Variants in CALD1 observed in about 807,000 individuals in gnomAD.
CALD1 encodes the protein caldesmon 1, also known as caldesmon.
A neutral mutation model predicts 99.9 loss-of-function variants in CALD1; 33 were observed. The observed-to-expected ratio is 0.33, with a 90% CI of 0.25 to 0.44. The LOEUF is 0.44. Ranked by LOEUF, CALD1 falls within the 20% of genes least tolerant of loss-of-function variation. CALD1 has a pLI of 1.00. For synonymous variants in CALD1, 310 were observed against 325.0 expected, an observed-to-expected ratio of 0.95 and a Z score of 0.50; for missense variants, 861 against 962.1, an observed-to-expected ratio of 0.89 and a Z score of 1.39.
chr7:134,931,043 G>A (rs1209701744), intron 4 of CALD1, among the ~76,000 whole-genome samples: 2 of 151,704 alleles, frequency 1.3e-5, no homozygotes, highest in Non-Finnish European at 2.9e-5. Context: ...GCTTCTCTTC[G>A]GATATTTGGC....
At chr7:134,734,145 G>C in the CALD1 span, among the ~76,000 whole-genome samples, 3 of 152,256 alleles carry the variant, frequency 2.0e-5, no homozygotes, top group South Asian at 6.2e-4. Context: ...GAGGGTCACA[G>C]AGAAAATAGA....
upstream of CALD1, among the ~76,000 whole-genome samples, chr7:134,779,164 C>G (rs2131663190): frequency 6.6e-6 from 1 of 152,264 alleles, no homozygotes; most frequent in South Asian, 2.1e-4. Flanking sequence ...GGTAAGAAGC[C>G]TTCCCCACCC....
At chr7:134,962,821 T>C (rs1197477609) in intron 13 of CALD1, 1 of 456,152 alleles carries the variant, frequency 2.2e-6, no homozygotes, top group Non-Finnish European at 4.4e-6. Flanking sequence ...CTTTCTCAGC[T>C]GACCTTCTGT....
chr7:134,794,103 C>A (rs1007629406), intron 1 of CALD1, among the ~76,000 whole-genome samples: 4 of 152,120 alleles, frequency 2.6e-5, no homozygotes, highest in Non-Finnish European at 5.9e-5. Context: ...CACAGCTGAG[C>A]ACATACACAC....
chr7:134,730,096 A>C, the CALD1 span, among the ~76,000 whole-genome samples: 1 of 152,164 alleles, frequency 6.6e-6, no homozygotes, highest in East Asian at 1.9e-4. Context: ...AGGGAATCTG[A>C]AACTTTAGTT....
At chr7:134,963,900 T>C (rs1808464980) in intron 13 of CALD1, among the ~76,000 whole-genome samples, 1 of 152,190 alleles carries the variant, frequency 6.6e-6, no homozygotes, top group Non-Finnish European at 1.5e-5. Flanking sequence ...AAAATGCTGC[T>C]AGAAAAGGGA....
chr7:134,785,824 T>C (rs1232768110), intron 1 of CALD1, among the ~76,000 whole-genome samples: 1 of 152,160 alleles, frequency 6.6e-6, no homozygotes, highest in Non-Finnish European at 1.5e-5. Flanking sequence ...ATATTTGGGG[T>C]ACTTTTATAT....
intron 2 of CALD1, among the ~76,000 whole-genome samples, chr7:134,859,738 A>T (rs1394189603): frequency 2.6e-5 from 4 of 152,360 alleles, no homozygotes; most frequent in South Asian, 2.1e-4. Flanking sequence ...TGAAAAATAT[A>T]AAGTGCTCCA....
At position 134,802,329 on chromosome 7, in the gene CALD1, A is replaced by G. The variant is rs532914284; in HGVS notation, c.-130+22580A>G. On this transcript the variant is annotated intron_variant, in intron 1 of 14. Transcript: ENST00000361675. ...ATTCATATAAATGGAATCAAATAGT[A>G]TATATTTTTTATCTGGTCTGTTTTG... Among the ~76,000 whole-genome samples the G allele has an allele frequency of 1.9e-3, 290 of 152,260 alleles. 1 individual carries two copies. Among genetic ancestry groups the G allele is most frequent in the Non-Finnish European group, 1.7e-3 (118 of 68,012 alleles).
In CALD1 at chr7:134,958,308, C is replaced by T. The variant is rs773575881; in HGVS notation, c.2061+18C>T. On this transcript the variant is annotated intron_variant, in intron 11 of 14. Transcript: ENST00000361675. Reference sequence around the variant, plus strand: ...CAATTGAGGTGAGAATTGTCCTCAGCGTTATGGTCCTGCTGAACAGAAATA... The same window carrying T: ...CAATTGAGGTGAGAATTGTCCTCAGTGTTATGGTCCTGCTGAACAGAAATA... The T allele has an allele frequency of 9.5e-6, 15 of 1,579,774 alleles. No homozygotes were observed. Among genetic ancestry groups the T allele is most frequent in the East Asian group, 2.2e-5 (1 of 44,714 alleles).
chr7:134,940,542 A>G (rs1261133988), intron 6 of CALD1, among the ~76,000 whole-genome samples: 1 of 152,248 alleles, frequency 6.6e-6, no homozygotes, highest in African/African-American at 2.4e-5. Flanking sequence ...AGGTAGGGTT[A>G]GTAAATGTCC....
intron 3 of CALD1, among the ~76,000 whole-genome samples, chr7:134,903,748 A>C (rs1563082553): frequency 6.6e-6 from 1 of 152,070 alleles, no homozygotes; most frequent in Non-Finnish European, 1.5e-5. Context: ...ACCCACCCTG[A>C]TAACTTCATC....
At chr7:134,894,964 G>T (rs1019631097) in intron 3 of CALD1, among the ~76,000 whole-genome samples, 7 of 151,928 alleles carry the variant, frequency 4.6e-5, no homozygotes, top group African/African-American at 1.5e-4. Flanking sequence ...AAAGTTTTTT[G>T]TGTGTGTTAC....
chr7:134,749,805 G>A (rs1346065471), intron 1 of CALD1, among the ~76,000 whole-genome samples: 1 of 152,190 alleles, frequency 6.6e-6, no homozygotes, highest in African/African-American at 2.4e-5. Flanking sequence ...GTGATGCCAA[G>A]GAAGGGTGGA....
At chr7:134,714,357 C>T in the CALD1 span, among the ~76,000 whole-genome samples, 1 of 152,174 alleles carries the variant, frequency 6.6e-6, no homozygotes, top group African/African-American at 2.4e-5. Context: ...TCCCATGCTC[C>T]TTCACCTCCC....
chr7:134,842,952 C>T (rs1347451969), intron 1 of CALD1, among the ~76,000 whole-genome samples: 1 of 152,106 alleles, frequency 6.6e-6, no homozygotes, highest in Non-Finnish European at 1.5e-5. Flanking sequence ...TAAATGTTTT[C>T]ATATAAAACT....
intron 3 of CALD1, among the ~76,000 whole-genome samples, chr7:134,885,946 C>T (rs1448665162): frequency 6.6e-6 from 1 of 151,686 alleles, no homozygotes; most frequent in African/African-American, 2.4e-5. Flanking sequence ...TTCCAAGCAC[C>T]GTTTATTGTT....
chr7:134,805,015 T>G (rs1263718167), intron 1 of CALD1, among the ~76,000 whole-genome samples: 1 of 152,162 alleles, frequency 6.6e-6, no homozygotes, highest in Non-Finnish European at 1.5e-5. Flanking sequence ...TGCTGATTGG[T>G]CGGGTCGGAG....
intron 1 of CALD1, 133 bp downstream of exon 1, chr7:134,779,882 C>A (rs1020612992): frequency 4.8e-5 from 19 of 392,234 alleles, no homozygotes; most frequent in Non-Finnish European, 8.1e-5. Context: ...TGCAAACTCC[C>A]GAGCCTGACT....
Sources: allele counts gnomAD v4.1 joint callset (sites outside exome capture counted in the v4.1 genomes callset), GRCh38; gene constraint gnomAD v4.1.1; transcripts MANE v1.5; gene names NCBI Gene and HGNC (gene_info 2026-07-23, HGNC 2026-07-21).